The following APC2 variants were observed in gnomAD, a reference collection of about 807,000 sequenced individuals.
APC2 encodes APC regulator of Wnt signaling pathway 2.
In APC2, 41 loss-of-function variants were observed where a neutral mutation model predicts 72.5. The observed-to-expected ratio is 0.57, with a 90% CI of 0.44 to 0.73. APC2 has a LOEUF of 0.73. Among genes scored for constraint, APC2 ranks in the 30% least tolerant of loss-of-function variants. The pLI is 0.00. For missense variants in APC2, 3,729 were observed against 3,403.4 expected (o/e 1.10, Z -2.38); for synonymous variants, 1,898 against 1,612.0 (o/e 1.18, Z -4.25).
At chr19:1,461,917 C>G (rs377493787) in intron 13 of APC2, 46 bp from the exon 14 acceptor site, 1 of 1,514,026 alleles carries the variant, frequency 6.6e-7, no homozygotes, top group Non-Finnish European at 9.0e-7. Flanking sequence ...GCCTTTCCTC[C>G]GGGCCACTCA....
In APC2 at chr19:1,465,621, G is replaced by A. The variant is rs1404139501; in HGVS notation, c.2320G>A (p.Asp774Asn). The change falls in exon 15 of 15, where the codon GAT becomes AAT. Residue 774 changes from aspartate to asparagine, a missense_variant. Transcript: ENST00000590469. ...CGGCCTGGCCCAAGACTATGCTTCC[G>A]ATTCGGGCTGCTTTGACGACGACGA... ...LDGLAQDYAS[D>N]SGCFDDDDAP... is the part of the protein sequence containing the mutation. 1 of 1,601,778 alleles carries A rather than the reference G, an allele frequency of 6.2e-7. No individual in the cohort carries two copies. The highest frequency in any genetic ancestry group is 8.5e-7 in the Non-Finnish European group (1 of 1,175,222).
At chr19:1,463,519 G>A (rs1169536032) in intron 14 of APC2, among the ~76,000 whole-genome samples, 1 of 151,262 alleles carries the variant, frequency 6.6e-6, no homozygotes, top group African/African-American at 2.4e-5. Context: ...GGAGGCGGAG[G>A]TTGCAGTGTG....
Position 1,467,935 on chromosome 19 carries a change from G to T in APC2, c.4634G>T (p.Arg1545Leu), listed in dbSNP as rs1389269266. The change falls in exon 15 of 15, where the codon CGG becomes CTG. Residue 1545 changes from arginine (R) to leucine (L), a missense_variant. Arg to Leu is a moderately radical substitution (Grantham distance 102). Transcript: ENST00000590469. The stretch of plus-strand genomic sequence containing the variant: ...TTTACGCGGGAGCGTCCGCAGGGCC[G>T]GAAGGAGGCCCCTGCCCCGTCCAAG... ...RAFTRERPQG[R>L]KEAPAPSKAA... 6.3e-6 allele frequency: 10 copies of T among 1,585,646 alleles called. No homozygotes were observed. Among genetic ancestry groups the T allele is most frequent in the Non-Finnish European group, 8.5e-6 (10 of 1,174,284 alleles).
chr19:1,450,424 GCA>G, intron 1 of APC2, 86 bp downstream of exon 1: 1 of 929,216 alleles, frequency 1.1e-6, no homozygotes, highest in Non-Finnish European at 1.3e-6. Flanking sequence ...TTGCCCGTCA[GCA>G]CAGACTCTGG....
chr19:1,452,869 C>A lies in APC2; in HGVS notation c.-18-115C>A. ...CCAGTGACTCCTGCCTGAGACCCCC[C>A]CCAACCCAGGATCAGGCAGGACGGC... On this transcript the variant is annotated intron_variant, in intron 1 of 14. Transcript: ENST00000590469. This position sits in a 1 kb window ranked among gnomAD's most constrained non-coding sequence, Gnocchi z 5.1. 3.0e-6 allele frequency: 4 copies of A among 1,312,654 alleles called. No homozygotes were observed. The highest frequency in any genetic ancestry group is 3.1e-6 in the Non-Finnish European group (3 of 973,456). The allele number at this position is 1,312,654 out of a possible 1,614,324, so 81.3% of individuals were successfully genotyped here.
chr19:1,468,089 C>G lies in APC2; in HGVS notation c.4788C>G (p.Ala1596=), dbSNP rs768103817. ...LSEPEPSEPP[A]VHPRGREPAV... ...AGCCCGAGCCCTCGGAGCCGCCGGC[C>G]GTCCATCCACGAGGCCGGGAGCCCG... Residue 1596 remains alanine, a synonymous_variant, in exon 15 of 15, where the codon GCC becomes GCG. Transcript: ENST00000590469. 9.7e-6 allele frequency: 15 copies of G among 1,541,966 alleles called. No individual in the cohort carries two copies. Among genetic ancestry groups the G allele is most frequent in the East Asian group, 2.5e-5 (1 of 39,310 alleles).
intron 9 of APC2, 142 bp downstream of exon 9, chr19:1,457,385 T>G: frequency 8.1e-7 from 1 of 1,235,160 alleles, no homozygotes. Context: ...GGCCGAGGCC[T>G]GTGGGGGCAT....
At position 1,452,964 on chromosome 19, in the gene APC2, C is replaced by T. The variant is rs775831186; in HGVS notation, c.-18-20C>T. ...CCCTCCCCAGACCATCAGCTGAACC[C>T]TCTGACCCTGTGATCCCAGACGCTG... On this transcript the variant is annotated intron_variant, in intron 1 of 14. Transcript: ENST00000590469. The surrounding 1 kb of genome is among the most constrained non-coding windows in gnomAD (Gnocchi z 5.1). The T allele has an allele frequency of 1.9e-4, 308 of 1,608,514 alleles. No individual in the cohort carries two copies. Among genetic ancestry groups the T allele is most frequent in the Admixed American group, 2.5e-4 (15 of 59,888 alleles).
Position 1,465,807 on chromosome 19 carries a change from G to C in APC2, c.2506G>C (p.Glu836Gln). 6.3e-7 allele frequency: 1 copy of C among 1,582,758 alleles called. No individual in the cohort carries two copies. The highest frequency in any genetic ancestry group is 2.3e-5 in the East Asian group (1 of 43,906). ...GGAGGCAGAGAAGGACACCAGTGGG[G>C]AGGCAGCCGTGGCGGCCAAGGCCAA... is the stretch of plus-strand genomic sequence containing the variant. ...GKEAEKDTSG[E>Q]AAVAAKAKAK... Residue 836 changes from glutamate to glutamine, a missense_variant, in exon 15 of 15, where the codon GAG becomes CAG. By Grantham distance (29) the Glu-to-Gln change is conservative. Transcript: ENST00000590469.
intron 10 of APC2, 168 bp downstream of exon 10, chr19:1,458,228 G>A (rs779686435): frequency 2.3e-4 from 149 of 647,910 alleles, no homozygotes; most frequent in Middle Eastern, 4.2e-4. Flanking sequence ...TGAGTGGACC[G>A]TCACCCTGGG....
In APC2 at chr19:1,467,966, A is replaced by AC; in HGVS notation, c.4667dup (p.Ala1557SerfsTer15). 6.3e-7 allele frequency: 1 copy of AC among 1,579,932 alleles called. No homozygotes were observed. Among genetic ancestry groups the AC allele is most frequent in the Non-Finnish European group, 8.5e-7 (1 of 1,172,340 alleles). ...AGGCCCCTGCCCCGTCCAAGGCTGC[A>AC]CCAGCTGCCCCGCCGCCCGCCCGGA... On this transcript the variant is annotated frameshift_variant, in exon 15 of 15. Coordinates refer to ENST00000590469, the MANE Select transcript of APC2 (RefSeq NM_005883.3). LOFTEE classifies it low-confidence loss of function (END_TRUNC).
Position 1,467,697 on chromosome 19 carries a change from G to C in APC2, c.4396G>C (p.Glu1466Gln). 7 of 1,460,634 alleles carry C rather than the reference G, an allele frequency of 4.8e-6. No homozygotes were observed. Among genetic ancestry groups the C allele is most frequent in the Non-Finnish European group, 6.3e-6 (7 of 1,115,120 alleles). The allele number at this position is 1,460,634 out of a possible 1,614,324, so 90.5% of individuals were successfully genotyped here. A position where few individuals can be genotyped will look rare whatever the true frequency, so the allele number is the denominator to read the frequency against. The change falls in exon 15 of 15, where the codon GAG becomes CAG. Residue 1466 changes from glutamate (E) to glutamine (Q), a missense_variant. Physicochemically the swap from Glu to Gln is conservative, Grantham distance 29. Coordinates refer to ENST00000590469, the MANE Select transcript of APC2 (RefSeq NM_005883.3). ...RGAGKNRAGL[E>Q]LPLGRPPSAP... ...CGCGGGCAAGAACAGAGCAGGGCTGGAGCTGCCCCTGGGCCGGCCCCCGAG... is the reference window on the plus strand; with the variant it reads ...CGCGGGCAAGAACAGAGCAGGGCTGCAGCTGCCCCTGGGCCGGCCCCCGAG...
chr19:1,471,321 A>C lies in APC2; in HGVS notation c.*1108A>C, dbSNP rs2084130146. 6.6e-6 allele frequency: 1 copy of C among 152,144 alleles called. No individual in the cohort carries two copies. Among genetic ancestry groups the C allele is most frequent in the Admixed American group, 6.5e-5 (1 of 15,282 alleles). 9.4% of individuals were successfully genotyped at this position (152,144 alleles called of 1,614,324 possible). ...TAGGCCCTAGAACTCCAGAAACAGC[A>C]CAGCTGGGGCGGGGACCCAGCCTTG... is the stretch of plus-strand genomic sequence containing the variant. On this transcript the variant is annotated 3_prime_UTR_variant, in exon 15 of 15. Coordinates refer to ENST00000590469, the MANE Select transcript of APC2 (RefSeq NM_005883.3).
At chr19:1,454,563 C>CTTTTT (rs71174371) in intron 4 of APC2, among the ~76,000 whole-genome samples, 6 of 116,136 alleles carry the variant, frequency 5.2e-5, no homozygotes, top group African/African-American at 1.8e-4. Context: ...ATCTTTTGTA[C>CTTTTT]TTTTTTTTTT....
Position 1,453,334 on chromosome 19 carries a change from A to G in APC2, c.229A>G (p.Lys77Glu), listed in dbSNP as rs746116614. 1 of 1,606,630 alleles carries G rather than the reference A, an allele frequency of 6.2e-7. No individual in the cohort carries two copies. The highest frequency in any genetic ancestry group is 8.5e-7 in the Non-Finnish European group (1 of 1,177,114). The change falls in exon 3 of 15, where the codon AAG becomes GAG. Residue 77 changes from lysine to glutamate, a missense_variant. Coordinates refer to ENST00000590469, the MANE Select transcript of APC2 (RefSeq NM_005883.3). ...SGQTEVLEQL[K>E]ALQMDITSLY... ...GCAGACGGAGGTGCTGGAGCAGCTG[A>G]AGGGTGAGCGGTGGGGCCACCCGCA...
intron 13 of APC2, 95 bp downstream of exon 13, chr19:1,461,248 A>G: frequency 7.5e-6 from 8 of 1,070,908 alleles, no homozygotes; most frequent in South Asian, 1.3e-5. Context: ...GAGGAAATCA[A>G]GTTGAACAGC....
chr19:1,467,708 G>C lies in APC2; in HGVS notation c.4407G>C (p.Leu1469=). 1.4e-6 allele frequency: 2 copies of C among 1,445,844 alleles called. No individual in the cohort carries two copies. Among genetic ancestry groups the C allele is most frequent in the South Asian group, 2.8e-5 (2 of 71,042 alleles). The allele number at this position is 1,445,844 out of a possible 1,614,324, so 89.6% of individuals were successfully genotyped here. A position where few individuals can be genotyped will look rare whatever the true frequency, so the allele number is the denominator to read the frequency against. Residue 1469 remains leucine (L), a synonymous_variant, in exon 15 of 15, where the codon CTG becomes CTC. Transcript: ENST00000590469. ...ACAGAGCAGGGCTGGAGCTGCCCCT[G>C]GGCCGGCCCCCGAGCGCCCCCGCAG... ...GKNRAGLELP[L]GRPPSAPADK... is the part of the protein sequence containing the mutation.
In APC2 at chr19:1,466,709, C is replaced by A; in HGVS notation, c.3408C>A (p.Gly1136=). 6.5e-7 allele frequency: 1 copy of A among 1,530,344 alleles called. No individual in the cohort carries two copies. The highest frequency in any genetic ancestry group is 1.2e-5 in the South Asian group (1 of 82,930). 94.8% of individuals were successfully genotyped at this position (1,530,344 alleles called of 1,614,324 possible). ...CTCCCCGGCGTAACCGAGGCCGGGG[C>A]CTGGGGGTGGAAGACGCCACGCCGT... ...IPAPRRNRGR[G]LGVEDATPSS... is the part of the protein sequence containing the mutation. Residue 1136 remains glycine (G), a synonymous_variant, in exon 15 of 15, where the codon GGC becomes GGA. Transcript: ENST00000590469.
At chr19:1,455,700 G>A (rs1373105964) in intron 6 of APC2, among the ~76,000 whole-genome samples, 200 bp downstream of exon 6, 1 of 151,978 alleles carries the variant, frequency 6.6e-6, no homozygotes, top group Non-Finnish European at 1.5e-5. Context: ...CTCAGAGCCT[G>A]AGCACAAGGG....
Sources: gnomAD v4.1 joint callset for allele counts (sites outside exome capture counted in the v4.1 genomes callset) on GRCh38, gnomAD v4.1.1 for gene constraint, Gnocchi (gnomAD v3.1) non-coding constraint, MANE v1.5 for transcripts, NCBI Gene and HGNC (gene_info 2026-07-23, HGNC 2026-07-21) for gene names.